Variants in SORCS3 observed in about 807,000 individuals in gnomAD.
SORCS3 encodes VPS10 domain-containing receptor SorCS3.
A neutral mutation model predicts 146.3 loss-of-function variants in SORCS3; 57 were observed. The ratio of observed to expected loss-of-function variants is 0.39; its 90% confidence interval spans 0.31 to 0.49. SORCS3 has a LOEUF of 0.49. Ranked by LOEUF, SORCS3 falls within the 20% of genes least tolerant of loss-of-function variation. The pLI, the probability that SORCS3 is intolerant of heterozygous loss-of-function variation, is 0.92. For missense variants in SORCS3, 1,341 were observed against 1,575.5 expected, an observed-to-expected ratio of 0.85 and a Z score of 2.52; for synonymous variants, 653 against 618.5, an observed-to-expected ratio of 1.06 and a Z score of -0.83.
intron 7 of SORCS3, among the ~76,000 whole-genome samples, chr10:105,132,310 A>G (rs953459941): frequency 2.0e-5 from 3 of 152,230 alleles, no homozygotes; most frequent in African/African-American, 4.8e-5. Flanking sequence ...ATTAACAATA[A>G]TGATAGTAAT....
chr10:105,075,448 A>G (rs1056278921), intron 5 of SORCS3, among the ~76,000 whole-genome samples: 1 of 152,056 alleles, frequency 6.6e-6, no homozygotes, highest in African/African-American at 2.4e-5. Flanking sequence ...TCATCTGCCC[A>G]TGCCCTCCCT....
chr10:105,066,714 T>C (rs1408047128), intron 5 of SORCS3, among the ~76,000 whole-genome samples: 2 of 152,166 alleles, frequency 1.3e-5, no homozygotes. Flanking sequence ...TCTAGCTACC[T>C]GGTGTTGTTT....
chr10:105,214,020 G>A (rs1038263822), intron 17 of SORCS3, among the ~76,000 whole-genome samples: 7 of 152,116 alleles, frequency 4.6e-5, no homozygotes, highest in Non-Finnish European at 1.0e-4. Context: ...CTGCTTTCTG[G>A]TACAGAGAAA....
At chr10:105,000,293 C>A (rs2055053237) in intron 4 of SORCS3, among the ~76,000 whole-genome samples, 1 of 151,840 alleles carries the variant, frequency 6.6e-6, no homozygotes, top group African/African-American at 2.4e-5. Flanking sequence ...TCATTAATCC[C>A]AAGCCTCATG....
chr10:105,245,389 A>G (rs752477846), intron 20 of SORCS3, among the ~76,000 whole-genome samples, 153 bp from the exon 21 acceptor site: 8 of 152,204 alleles, frequency 5.3e-5, no homozygotes, highest in Non-Finnish European at 8.8e-5. Context: ...TAGATACTGG[A>G]AGAATAATCA....
intron 9 of SORCS3, among the ~76,000 whole-genome samples, chr10:105,150,370 C>T (rs1011990451): frequency 6.6e-6 from 1 of 152,142 alleles, no homozygotes; most frequent in African/African-American, 2.4e-5. Flanking sequence ...GTTCCTATGA[C>T]ACCGCAGCAC....
chr10:105,159,010 C>A lies in SORCS3; in HGVS notation c.1732+16C>A, dbSNP rs1332958557. ...GTGGCTACAGGTAAGAAAAACATTCCCTGTGCTTCTTCCTTACTGAGAGTG... is the reference window on the plus strand; with the variant it reads ...GTGGCTACAGGTAAGAAAAACATTCACTGTGCTTCTTCCTTACTGAGAGTG... On this transcript the variant is annotated intron_variant, in intron 11 of 26. Coordinates refer to ENST00000369701, the MANE Select transcript of SORCS3 (RefSeq NM_014978.3). 1 of 1,556,656 alleles carries A rather than the reference C, an allele frequency of 6.4e-7. No homozygotes were observed. The highest frequency in any genetic ancestry group is 1.1e-5 in the South Asian group (1 of 89,308).
intron 20 of SORCS3, among the ~76,000 whole-genome samples, chr10:105,229,282 A>C (rs1001530827): frequency 2.0e-5 from 3 of 151,498 alleles, no homozygotes; most frequent in African/African-American, 4.9e-5. Flanking sequence ...GCATTTTTGA[A>C]TCTCTTTTTA....
At chr10:105,011,723 C>A (rs2133681503) in intron 4 of SORCS3, among the ~76,000 whole-genome samples, 1 of 152,184 alleles carries the variant, frequency 6.6e-6, no homozygotes, top group East Asian at 1.9e-4. Flanking sequence ...GAGAGATGGC[C>A]TCCCCTCTTT....
At chr10:104,720,915 A>C (rs1157967880) in intron 1 of SORCS3, among the ~76,000 whole-genome samples, 2 of 151,374 alleles carry the variant, frequency 1.3e-5, no homozygotes, top group Non-Finnish European at 2.9e-5. Flanking sequence ...ATTTTCTCCC[A>C]CTCTGTAGGT....
At chr10:104,654,207 A>T (rs2015597424) in intron 1 of SORCS3, among the ~76,000 whole-genome samples, 1 of 152,174 alleles carries the variant, frequency 6.6e-6, no homozygotes, top group Non-Finnish European at 1.5e-5. Flanking sequence ...TCATCTGTTG[A>T]TGGACAGTCA....
chr10:105,086,496 A>G (rs1464427958), intron 5 of SORCS3, among the ~76,000 whole-genome samples: 1 of 152,158 alleles, frequency 6.6e-6, no homozygotes, highest in African/African-American at 2.4e-5. Flanking sequence ...TTCAACCTTG[A>G]AAGATGTGTG....
At chr10:104,709,533 TGAG>T (rs2016387690) in intron 1 of SORCS3, among the ~76,000 whole-genome samples, 1 of 152,264 alleles carries the variant, frequency 6.6e-6, no homozygotes, top group Non-Finnish European at 1.5e-5. Flanking sequence ...TTTCCTGTAC[TGAG>T]CACCTACTCT....
At chr10:104,776,594 T>G (rs887426861) in intron 1 of SORCS3, among the ~76,000 whole-genome samples, 1 of 152,178 alleles carries the variant, frequency 6.6e-6, no homozygotes, top group Non-Finnish European at 1.5e-5. Flanking sequence ...TAGAGCACCC[T>G]TGCCAAATAA....
chr10:104,844,430 A>G (rs1425287942), intron 2 of SORCS3, among the ~76,000 whole-genome samples: 1 of 152,168 alleles, frequency 6.6e-6, no homozygotes, highest in Non-Finnish European at 1.5e-5. Flanking sequence ...TATTTCTAGG[A>G]GCAGGCTAGG....
chr10:104,682,458 CTG>C (rs1564657882), intron 1 of SORCS3, among the ~76,000 whole-genome samples: 1 of 152,210 alleles, frequency 6.6e-6, no homozygotes, highest in African/African-American at 2.4e-5. Context: ...TTGGAGGACT[CTG>C]TGTGAATCTG....
intron 1 of SORCS3, among the ~76,000 whole-genome samples, chr10:104,807,095 T>G (rs2017686150): frequency 8.1e-6 from 1 of 122,812 alleles, no homozygotes; most frequent in Admixed American, 8.0e-5. Context: ...GGATGTGGAT[T>G]CCCAGGAAGC....
intron 2 of SORCS3, among the ~76,000 whole-genome samples, chr10:104,903,247 A>G (rs2018871000): frequency 6.6e-6 from 1 of 152,212 alleles, no homozygotes; most frequent in Admixed American, 6.5e-5. Flanking sequence ...ATAAAGCACT[A>G]TGCAAATGTT....
chr10:105,201,473 A>G (rs2056574429), intron 16 of SORCS3, among the ~76,000 whole-genome samples: 1 of 152,142 alleles, frequency 6.6e-6, no homozygotes, highest in Non-Finnish European at 1.5e-5. Context: ...AGAGTCACTG[A>G]TCTATCAGAG....
Sources: allele counts gnomAD v4.1 joint callset (sites outside exome capture counted in the v4.1 genomes callset), GRCh38; gene constraint gnomAD v4.1.1; transcripts MANE v1.5; gene names NCBI Gene and HGNC (gene_info 2026-07-23, HGNC 2026-07-21).